The following PCDH11X variants were observed in gnomAD, a reference collection of about 807,000 sequenced individuals.
PCDH11X encodes the protein protocadherin 11 X-linked, also known as protocadherin-11 X-linked.
In PCDH11X, 18 loss-of-function variants were observed where a neutral mutation model predicts 53.3. That is an observed-to-expected ratio of 0.34 (90% confidence interval 0.23 to 0.50). The LOEUF (loss-of-function observed/expected upper bound fraction) is 0.50, where lower values mean the gene tolerates loss of function less well. PCDH11X is among the 20% of genes least tolerant of loss of function. PCDH11X has a pLI of 0.98. For missense variants in PCDH11X, 570 were observed against 1,032.4 expected (o/e 0.55, Z 6.14); for synonymous variants, 279 against 393.3 (o/e 0.71, Z 3.44).
intron 5 of PCDH11X, among the ~76,000 whole-genome samples, chrX:91,871,570 A>G (rs1939310821): frequency 2.8e-5 from 3 of 108,738 alleles, no homozygotes; most frequent in Non-Finnish European, 1.9e-5. Flanking sequence ...CCAATAGGCA[A>G]TGAAGTGGTG....
intron 8 of PCDH11X, among the ~76,000 whole-genome samples, chrX:92,386,231 A>T (rs1185776259): frequency 9.0e-6 from 1 of 110,998 alleles, no homozygotes; most frequent in Non-Finnish European, 1.9e-5. Context: ...TATATCTTCC[A>T]ATAAGTTTGA....
At chrX:92,300,780 A>G (rs1305653120) in intron 8 of PCDH11X, among the ~76,000 whole-genome samples, 1 of 111,611 alleles carries the variant, frequency 9.0e-6, no homozygotes, top group Non-Finnish European at 1.9e-5. Context: ...CCCAGCGAGG[A>G]ATTTTCATTA....
chrX:92,019,590 T>A (rs904977765), intron 6 of PCDH11X, among the ~76,000 whole-genome samples: 37 of 111,866 alleles, frequency 3.3e-4, no homozygotes, highest in African/African-American at 1.2e-3. Context: ...GGAAACTGAA[T>A]AACCTGCTCC....
At chrX:91,780,145 G>A (rs191266968) in intron 1 of PCDH11X, among the ~76,000 whole-genome samples, 17 of 111,838 alleles carry the variant, frequency 1.5e-4, no homozygotes, top group African/African-American at 5.5e-4. Context: ...GCCTCTAGCT[G>A]AGAAACTACC....
chrX:91,836,337 A>G (rs953293279), intron 5 of PCDH11X, among the ~76,000 whole-genome samples: 2 of 105,608 alleles, frequency 1.9e-5, no homozygotes, highest in Non-Finnish European at 3.8e-5. Flanking sequence ...GCCCAGCTTC[A>G]TTCTTTTAAT....
At chrX:92,221,606 T>C (rs1301648199) in intron 7 of PCDH11X, among the ~76,000 whole-genome samples, 18 of 111,929 alleles carry the variant, frequency 1.6e-4, no homozygotes, top group Non-Finnish European at 3.8e-5. Flanking sequence ...TCTAGAACTA[T>C]TATAAGCAAA....
At chrX:91,833,181 C>T (rs769404953) in intron 4 of PCDH11X, among the ~76,000 whole-genome samples, 4 of 106,427 alleles carry the variant, frequency 3.8e-5, no homozygotes, top group Admixed American at 1.0e-4. Flanking sequence ...AAGAATAGAG[C>T]GATAATTTTA....
chrX:91,802,099 T>A (rs1935955404), intron 1 of PCDH11X, among the ~76,000 whole-genome samples: 1 of 113,253 alleles, frequency 8.8e-6, no homozygotes, highest in African/African-American at 3.2e-5. Context: ...ATCATACACA[T>A]GCATCTGCAT....
chrX:92,023,341 G>A (rs1310577606), intron 6 of PCDH11X, among the ~76,000 whole-genome samples: 2 of 106,596 alleles, frequency 1.9e-5, no homozygotes, highest in Non-Finnish European at 3.9e-5. Context: ...ATATCACCCC[G>A]ACCACAAAGC....
intron 7 of PCDH11X, among the ~76,000 whole-genome samples, chrX:92,215,800 C>A (rs1327293126): frequency 1.9e-5 from 2 of 106,519 alleles, no homozygotes; most frequent in Non-Finnish European, 3.9e-5. Flanking sequence ...CTGGGAGGCA[C>A]CCCCCAGTAG....
At chrX:92,341,044 G>A (rs1394780526) in intron 8 of PCDH11X, among the ~76,000 whole-genome samples, 3 of 111,331 alleles carry the variant, frequency 2.7e-5, no homozygotes, top group Non-Finnish European at 5.6e-5. Context: ...TCTTCTGCCA[G>A]TTACTCTATA....
chrX:92,246,172 T>C (rs758837439), intron 7 of PCDH11X, among the ~76,000 whole-genome samples: 2 of 111,636 alleles, frequency 1.8e-5, no homozygotes, highest in African/African-American at 3.3e-5. Context: ...TTACATAATA[T>C]TCATCTACTC....
chrX:92,148,082 CT>C (rs1207606152), intron 6 of PCDH11X, among the ~76,000 whole-genome samples: 1 of 13,348 alleles, frequency 7.5e-5, no homozygotes, highest in South Asian at 3.7e-3. Flanking sequence ...TTCTTTCTTT[CT>C]TTCTTTCTTT....
intron 10 of PCDH11X, among the ~76,000 whole-genome samples, chrX:92,470,387 TAACA>T (rs2073237704): frequency 9.9e-6 from 1 of 100,789 alleles, no homozygotes; most frequent in African/African-American, 3.6e-5. Context: ...ATCATATCAT[TAACA>T]AACAAGAACA....
chrX:92,334,689 A>T (rs978787167), intron 8 of PCDH11X, among the ~76,000 whole-genome samples: 2 of 111,526 alleles, frequency 1.8e-5, no homozygotes, highest in Non-Finnish European at 1.9e-5. Flanking sequence ...TGGCAGCTGC[A>T]TTGCCCGCCA....
chrX:91,918,974 T>A (rs1644870593), intron 6 of PCDH11X, among the ~76,000 whole-genome samples: 1 of 111,157 alleles, frequency 9.0e-6, no homozygotes, highest in African/African-American at 3.3e-5. Flanking sequence ...AGCTAGGATG[T>A]CACCCACAGG....
At chrX:92,158,132 C>A (rs961079423) in intron 6 of PCDH11X, among the ~76,000 whole-genome samples, 1 of 111,512 alleles carries the variant, frequency 9.0e-6, no homozygotes, top group African/African-American at 3.3e-5. Flanking sequence ...AGGAGAATTG[C>A]CTGAACTGGG....
intron 10 of PCDH11X, among the ~76,000 whole-genome samples, chrX:92,520,539 C>T (rs2074355172): frequency 1.0e-5 from 1 of 97,702 alleles, no homozygotes; most frequent in Non-Finnish European, 2.0e-5. Context: ...GTATTGGATT[C>T]CTGGACTTGA....
intron 9 of PCDH11X, among the ~76,000 whole-genome samples, chrX:92,395,651 C>G (rs1367304687): frequency 9.0e-6 from 1 of 110,905 alleles, no homozygotes; most frequent in Admixed American, 9.6e-5. Flanking sequence ...TCTTTAAATT[C>G]TAGAGCTCTA....
Sources: gnomAD v4.1 joint callset for allele counts (sites outside exome capture counted in the v4.1 genomes callset) on GRCh38, gnomAD v4.1.1 for gene constraint, MANE v1.5 for transcripts, NCBI Gene and HGNC (gene_info 2026-07-23, HGNC 2026-07-21) for gene names.